The following CCDC66 variants were observed in gnomAD, a reference collection of about 807,000 sequenced individuals.
CCDC66 encodes coiled-coil domain-containing protein 66.
A neutral mutation model predicts 128.3 loss-of-function variants in CCDC66; 133 were observed. The ratio of observed to expected loss-of-function variants is 1.04; its 90% CI spans 0.90 to 1.20. The LOEUF is 1.20. Among genes scored for constraint, CCDC66 ranks in the 50% most tolerant of loss-of-function variants. The pLI is 0.00. For missense variants in CCDC66, 1,126 were observed against 1,075.5 expected (o/e 1.05, Z -0.66); for synonymous variants, 387 against 357.0 (o/e 1.08, Z -0.95).
rs1014251894 is a variant in CCDC66 at position 56,618,073 on chromosome 3, T to C, written c.2338-99T>C. 18 of 948,660 alleles carry C rather than the reference T, an allele frequency of 1.9e-5. No individual in the cohort carries two copies. The Admixed American group carries it at 2.3e-4, about 12-fold the overall frequency. The allele number at this position is 948,660 out of a possible 1,614,324, so 58.8% of individuals were successfully genotyped here. On this transcript the variant is annotated intron_variant, in intron 14 of 17. Coordinates refer to ENST00000394672, the MANE Select transcript of CCDC66 (RefSeq NM_001141947.3). ...TCAGTCAGTACCTGTTATTCAAATA[T>C]TACCCTCAGACTATTTCAACAAGTA...
At chr3:56,615,385 C>CA in intron 12 of CCDC66, 113 bp downstream of exon 12, 2 of 1,020,596 alleles carry the variant, frequency 2.0e-6, no homozygotes, top group Non-Finnish European at 2.8e-6. Context: ...GGCTAGAGTG[C>CA]AGTGGTGCCA....
chr3:56,594,201 T>A (rs2071439226), intron 10 of CCDC66, among the ~76,000 whole-genome samples, 173 bp downstream of exon 10: 1 of 152,208 alleles, frequency 6.6e-6, no homozygotes, highest in Admixed American at 6.5e-5. Flanking sequence ...TAGAATTAGC[T>A]TATCAAATGC....
intron 7 of CCDC66, among the ~76,000 whole-genome samples, chr3:56,586,075 G>A (rs2069653974): frequency 6.6e-6 from 1 of 151,890 alleles, no homozygotes; most frequent in South Asian, 2.1e-4. Context: ...GTCTCACTCT[G>A]GTGAAGGACA....
chr3:56,599,191 T>A (rs531191454), intron 10 of CCDC66, among the ~76,000 whole-genome samples: 1 of 152,202 alleles, frequency 6.6e-6, no homozygotes, highest in Admixed American at 6.5e-5. Context: ...CTAGATTTTC[T>A]AGTTTGTCTG....
At chr3:56,619,968 T>TG in intron 17 of CCDC66, 67 bp downstream of exon 17, 1 of 1,530,012 alleles carries the variant, frequency 6.5e-7, no homozygotes, top group Middle Eastern at 1.7e-4. Context: ...GGGAACCTGT[T>TG]GAACGGTTTG....
Position 56,621,561 on chromosome 3 carries a change from A to AAGT in CCDC66, c.2794_2796dup (p.Ser932dup). On this transcript the variant is annotated inframe_insertion, in exon 18 of 18. Coordinates refer to ENST00000394672, the MANE Select transcript of CCDC66 (RefSeq NM_001141947.3). ...TTCTCCAGAAGCAAAAGGAGTTGGA[A>AAGT]AGTAGTCTCCTGCCTTTAGCTGAAA... The AAGT allele has an allele frequency of 6.2e-7, 1 of 1,600,982 alleles. No individual in the cohort carries two copies. Among genetic ancestry groups the AAGT allele is most frequent in the East Asian group, 2.2e-5 (1 of 44,586 alleles).
At chr3:56,602,286 A>G (rs1391523466) in intron 10 of CCDC66, among the ~76,000 whole-genome samples, 1 of 152,090 alleles carries the variant, frequency 6.6e-6, no homozygotes, top group Non-Finnish European at 1.5e-5. Context: ...TGATTTCCAT[A>G]TGATGAACCA....
intron 7 of CCDC66, among the ~76,000 whole-genome samples, chr3:56,590,017 C>G (rs1168834061): frequency 6.6e-6 from 1 of 152,130 alleles, no homozygotes; most frequent in Non-Finnish European, 1.5e-5. Flanking sequence ...CTGTGTTTTG[C>G]TGCTGTTCCT....
At position 56,586,404 on chromosome 3, in the gene CCDC66, G is replaced by A. The variant is rs541452285; in HGVS notation, c.937-6566G>A. On this transcript the variant is annotated intron_variant, in intron 7 of 17. Coordinates refer to ENST00000394672, the MANE Select transcript of CCDC66 (RefSeq NM_001141947.3). ...AAATTAGCCGGGTGTGGTGGCGCAC[G>A]CCTGTAATCCCAGCTACTCAGGAGG... Among the ~76,000 whole-genome samples, 50 of 151,492 alleles carry A rather than the reference G, an allele frequency of 3.3e-4. 1 individual carries two copies. Among genetic ancestry groups the A allele is most frequent in the Admixed American group, 3.3e-4 (5 of 15,054 alleles).
At chr3:56,575,907 G>T (rs1418822847) in intron 7 of CCDC66, among the ~76,000 whole-genome samples, 1 of 151,540 alleles carries the variant, frequency 6.6e-6, no homozygotes, top group East Asian at 2.0e-4. Flanking sequence ...TTTATTTCTG[G>T]TCTCCTCTAT....
rs114342079 is a variant in CCDC66 at position 56,600,389 on chromosome 3, G to A, written c.1404+6361G>A. Among the ~76,000 whole-genome samples the A allele has an allele frequency of 7.2e-3, 1,098 of 151,712 alleles. 27 individuals are homozygous for A. Among genetic ancestry groups the A allele is most frequent in the African/African-American group, 0.025 (1,040 of 41,252 alleles). On this transcript the variant is annotated intron_variant, in intron 10 of 17. Coordinates refer to ENST00000394672, the MANE Select transcript of CCDC66 (RefSeq NM_001141947.3). ...GTCTCAATCTCCTGACCCCATGATC[G>A]GGCTACCTTGGCCTCCAAAAGTGCT... is the stretch of plus-strand genomic sequence containing the variant.
At chr3:56,571,084 A>G (rs1016682335) in intron 6 of CCDC66, 97 bp from the exon 7 acceptor site, 2 of 823,254 alleles carry the variant, frequency 2.4e-6, no homozygotes, top group East Asian at 3.0e-5. Context: ...TTTTGATTAG[A>G]TCTGTGTTGG....
intron 10 of CCDC66, among the ~76,000 whole-genome samples, chr3:56,605,647 C>T (rs1220685352): frequency 4.6e-5 from 7 of 152,016 alleles, no homozygotes; most frequent in African/African-American, 7.3e-5. Flanking sequence ...CTGGAAGCTT[C>T]GTCCCAGAGG....
chr3:56,565,107 C>A, intron 4 of CCDC66: 3 of 411,296 alleles, frequency 7.3e-6, no homozygotes, highest in Non-Finnish European at 1.5e-5. Flanking sequence ...TGTGAGCCCT[C>A]TAAAACATCT....
At position 56,564,603 on chromosome 3, in the gene CCDC66, A is replaced by C. The variant is rs184049839; in HGVS notation, c.544+478A>C. Among the ~76,000 whole-genome samples the C allele has an allele frequency of 8.5e-5, 13 of 152,268 alleles. No homozygotes were observed. In the East Asian group the frequency reaches 1.3e-3, roughly 16 times the overall value. ...GCTAAGAAATGGCAGTACTTTTTTT[A>C]AAAAACAAGGTTAACACAGATTTGG... On this transcript the variant is annotated intron_variant, in intron 4 of 17. Coordinates refer to ENST00000394672, the MANE Select transcript of CCDC66 (RefSeq NM_001141947.3).
chr3:56,597,585 A>G lies in CCDC66; in HGVS notation c.1404+3557A>G, dbSNP rs181810805. Reference sequence around the variant, plus strand: ...TGTAGTTTTTTATGTAGAAATGTGTAACCCCCTTGGTTAAATTTATTCCTA... The same window carrying G: ...TGTAGTTTTTTATGTAGAAATGTGTGACCCCCTTGGTTAAATTTATTCCTA... On this transcript the variant is annotated intron_variant, in intron 10 of 17. Coordinates refer to ENST00000394672, the MANE Select transcript of CCDC66 (RefSeq NM_001141947.3). Among the ~76,000 whole-genome samples the G allele has an allele frequency of 9.6e-4, 146 of 151,956 alleles. 1 individual carries two copies. Among genetic ancestry groups the G allele is most frequent in the Admixed American group, 2.0e-3 (31 of 15,240 alleles).
In CCDC66 at chr3:56,563,704, T is replaced by C; in HGVS notation, c.123T>C (p.Ile41=). Reference sequence around the variant, plus strand: ...AACAGATGGGAAATAAGGCCAAGATTGCAAAATGTCCTTTAAGAACAAAAA... The same window carrying C: ...AACAGATGGGAAATAAGGCCAAGATCGCAAAATGTCCTTTAAGAACAAAAA... ...ISVKMGNKAK[I]AKCPLRTKTG... The change falls in exon 4 of 18, where the codon ATT becomes ATC. Residue 41 remains isoleucine, a synonymous_variant. Transcript: ENST00000394672. 6.5e-7 allele frequency: 1 copy of C among 1,549,662 alleles called. No homozygotes were observed. The highest frequency in any genetic ancestry group is 8.7e-7 in the Non-Finnish European group (1 of 1,146,116).
intron 4 of CCDC66, among the ~76,000 whole-genome samples, chr3:56,564,423 CAT>C (rs2065521626): frequency 6.6e-6 from 1 of 152,108 alleles, no homozygotes; most frequent in Admixed American, 6.6e-5. Flanking sequence ...AGGCTTTACT[CAT>C]ATTTAAAATA....
chr3:56,589,411 A>G (rs1258785312), intron 7 of CCDC66, among the ~76,000 whole-genome samples: 1 of 152,212 alleles, frequency 6.6e-6, no homozygotes, highest in Admixed American at 6.5e-5. Flanking sequence ...AGTAAACCTG[A>G]TACCCAAAAC....
Sources: gnomAD v4.1 joint callset for allele counts (sites outside exome capture counted in the v4.1 genomes callset) on GRCh38, gnomAD v4.1.1 for gene constraint, MANE v1.5 for transcripts, NCBI Gene and HGNC (gene_info 2026-07-23, HGNC 2026-07-21) for gene names.